Variants in LPP observed in about 807,000 individuals in gnomAD.
LPP encodes lipoma-preferred partner.
In LPP, 38 loss-of-function variants were observed where a neutral mutation model predicts 60.4. That is an observed-to-expected ratio of 0.63 (90% CI 0.49 to 0.83). LPP has a LOEUF of 0.83. Among genes scored for constraint, LPP ranks in the 40% least tolerant of loss-of-function variants. LPP has a pLI of 0.00. For synonymous variants in LPP, 328 were observed against 290.8 expected, an observed-to-expected ratio of 1.13 and a Z score of -1.30; for missense variants, 902 against 783.6, an observed-to-expected ratio of 1.15 and a Z score of -1.80.
In LPP at chr3:188,876,059, C is replaced by T. The variant is rs1769214939; in HGVS notation, c.*1580C>T. ...ACACCAAATATAACAAGTATAATTA[C>T]ATCCTCCAATGTACCGTTTCCTTAT... On this transcript the variant is annotated 3_prime_UTR_variant, in exon 12 of 12. Transcript: ENST00000617246. 5.3e-6 allele frequency: 1 copy of T among 188,892 alleles called. No individual in the cohort carries two copies. The highest frequency in any genetic ancestry group is 1.9e-4 in the South Asian group (1 of 5,144). The allele number at this position is 188,892 out of a possible 1,614,324, so 11.7% of individuals were successfully genotyped here. A position where few individuals can be genotyped will look rare whatever the true frequency, so the allele number is the denominator to read the frequency against.
chr3:188,486,255 A>T (rs1806482745), intron 5 of LPP, among the ~76,000 whole-genome samples: 1 of 152,176 alleles, frequency 6.6e-6, no homozygotes, highest in Non-Finnish European at 1.5e-5. Flanking sequence ...AGGTTGAAGG[A>T]GACAAAGAAA....
chr3:188,715,456 T>C (rs1360803770), intron 8 of LPP, among the ~76,000 whole-genome samples: 1 of 148,160 alleles, frequency 6.7e-6, no homozygotes, highest in Non-Finnish European at 1.5e-5. Flanking sequence ...TTAGAGTCAA[T>C]TCAGAGCTTA....
intron 7 of LPP, among the ~76,000 whole-genome samples, chr3:188,630,855 G>T (rs144911988): frequency 6.6e-6 from 1 of 152,152 alleles, no homozygotes; most frequent in Non-Finnish European, 1.5e-5. Flanking sequence ...TGAAAAGAGC[G>T]AGATCATGTC....
chr3:188,515,809 G>A (rs1817195094), intron 5 of LPP, among the ~76,000 whole-genome samples: 1 of 152,132 alleles, frequency 6.6e-6, no homozygotes, highest in South Asian at 2.1e-4. Context: ...AAGGATTTTA[G>A]GGAAGGGGAC....
chr3:188,379,520 A>C (rs777520854), intron 3 of LPP, among the ~76,000 whole-genome samples: 5 of 152,194 alleles, frequency 3.3e-5, no homozygotes, highest in Non-Finnish European at 7.3e-5. Flanking sequence ...CAAACAAACA[A>C]AACCAAAACA....
chr3:188,288,650 AC>A (rs1744846607), intron 2 of LPP, among the ~76,000 whole-genome samples: 1 of 152,152 alleles, frequency 6.6e-6, no homozygotes, highest in African/African-American at 2.4e-5. Flanking sequence ...ACACCTATGC[AC>A]ACACATCTAT....
intron 2 of LPP, among the ~76,000 whole-genome samples, chr3:188,240,809 G>C: frequency 6.6e-6 from 1 of 152,228 alleles, no homozygotes; most frequent in South Asian, 2.1e-4. Flanking sequence ...GGCGACCTGA[G>C]CAGACACACG....
At chr3:188,155,613 A>G (rs1424032851) in intron 1 of LPP, among the ~76,000 whole-genome samples, 1 of 152,264 alleles carries the variant, frequency 6.6e-6, no homozygotes, top group African/African-American at 2.4e-5. Flanking sequence ...CCTATGGTCA[A>G]TAATGGTGGA....
chr3:188,851,271 T>A (rs931363273), intron 9 of LPP, among the ~76,000 whole-genome samples: 8 of 152,200 alleles, frequency 5.3e-5, no homozygotes, highest in African/African-American at 1.7e-4. Context: ...TTTTTAACTA[T>A]TTTTTTGTAT....
intron 4 of LPP, among the ~76,000 whole-genome samples, chr3:188,474,295 T>C (rs902033948): frequency 4.6e-5 from 7 of 150,814 alleles, no homozygotes; most frequent in Admixed American, 6.6e-5. Context: ...GGGAAACCAA[T>C]AGTTATCCAA....
At chr3:188,661,716 C>T (rs1378933720) in intron 7 of LPP, among the ~76,000 whole-genome samples, 1 of 152,198 alleles carries the variant, frequency 6.6e-6, no homozygotes, top group Non-Finnish European at 1.5e-5. Flanking sequence ...CAAATACTTT[C>T]TCCCACTCTG....
At chr3:188,193,224 T>C (rs1728658218) in intron 1 of LPP, among the ~76,000 whole-genome samples, 1 of 152,106 alleles carries the variant, frequency 6.6e-6, no homozygotes, top group Non-Finnish European at 1.5e-5. Context: ...CAAGAAGAAG[T>C]TGGCGTTCTG....
At chr3:188,798,579 G>A (rs2151115080) in intron 9 of LPP, among the ~76,000 whole-genome samples, 1 of 152,320 alleles carries the variant, frequency 6.6e-6, no homozygotes, top group East Asian at 1.9e-4. Context: ...TGGTGGCTCT[G>A]CCCTGGACAT....
intron 8 of LPP, among the ~76,000 whole-genome samples, chr3:188,752,106 A>G (rs1728277725): frequency 6.6e-6 from 1 of 152,198 alleles, no homozygotes; most frequent in Admixed American, 6.5e-5. Flanking sequence ...AAGGAGAAAG[A>G]AGTAGGTCTC....
chr3:188,340,130 G>C (rs542978947), intron 2 of LPP, among the ~76,000 whole-genome samples: 2 of 152,304 alleles, frequency 1.3e-5, no homozygotes, highest in South Asian at 4.1e-4. Context: ...CATGTAGTAG[G>C]AGGGTGCTTA....
At chr3:188,172,494 A>T (rs28524533) in intron 1 of LPP, among the ~76,000 whole-genome samples, 75 of 152,206 alleles carry the variant, frequency 4.9e-4, no homozygotes, top group African/African-American at 1.8e-3. Context: ...ATTATGTGTT[A>T]CCCTTATTAA....
chr3:188,678,407 G>C (rs916103041), intron 7 of LPP, among the ~76,000 whole-genome samples: 2 of 152,082 alleles, frequency 1.3e-5, no homozygotes, highest in African/African-American at 4.8e-5. Flanking sequence ...AAAGAATATG[G>C]AGCAATCAAT....
intron 3 of LPP, among the ~76,000 whole-genome samples, chr3:188,367,433 G>C (rs1302648282): frequency 6.6e-6 from 1 of 152,140 alleles, no homozygotes; most frequent in African/African-American, 2.4e-5. Flanking sequence ...AATAGATCTG[G>C]TATAGATAAA....
At chr3:188,616,374 T>G (rs1844847292) in intron 7 of LPP, among the ~76,000 whole-genome samples, 1 of 152,208 alleles carries the variant, frequency 6.6e-6, no homozygotes, top group South Asian at 2.1e-4. Flanking sequence ...TTTGTCAGGT[T>G]TGTCGAAGAT....
Sources: allele counts gnomAD v4.1 joint callset (sites outside exome capture counted in the v4.1 genomes callset), GRCh38; gene constraint gnomAD v4.1.1; transcripts MANE v1.5; gene names NCBI Gene and HGNC (gene_info 2026-07-23, HGNC 2026-07-21).